CNOT4: variants seen among roughly 807,000 people sequenced by gnomAD.
The protein encoded by CNOT4 is CCR4-NOT transcription complex subunit 4.
Under a neutral mutation model 73.8 loss-of-function variants are expected in CNOT4, and 8 were observed. The observed-to-expected ratio is 0.11, with a 90% CI of 0.06 to 0.20. CNOT4 has a LOEUF of 0.20. Among genes scored for constraint, CNOT4 ranks in the 10% least tolerant of loss-of-function variants. CNOT4 has a pLI of 1.00. For missense variants in CNOT4, 564 were observed against 883.4 expected (o/e 0.64, Z 4.58); for synonymous variants, 293 against 321.1 (o/e 0.91, Z 0.94).
chr7:135,489,892 A>T (rs1802995551), intron 1 of CNOT4, among the ~76,000 whole-genome samples: 1 of 152,240 alleles, frequency 6.6e-6, no homozygotes, highest in Non-Finnish European at 1.5e-5. Flanking sequence ...ATGATTGTTG[A>T]TCCCACTACA....
intron 1 of CNOT4, among the ~76,000 whole-genome samples, chr7:135,494,924 T>G (rs1803365259): frequency 1.3e-5 from 2 of 152,338 alleles, no homozygotes; most frequent in Non-Finnish European, 2.9e-5. Flanking sequence ...TTACTCTATT[T>G]TACTTCAGCA....
chr7:135,386,421 A>C (rs558715355), intron 10 of CNOT4: 64 of 152,242 alleles, frequency 4.2e-4, no homozygotes, highest in African/African-American at 1.4e-3. Context: ...ACAACAACAA[A>C]AAAAACCTGA....
intron 10 of CNOT4, among the ~76,000 whole-genome samples, chr7:135,385,332 C>G (rs994284013): frequency 1.3e-5 from 2 of 152,326 alleles, no homozygotes; most frequent in Admixed American, 6.5e-5. Context: ...ATCCCAACCC[C>G]TATAGGCCAC....
chr7:135,415,121 C>T, intron 4 of CNOT4, 55 bp downstream of exon 4: 1 of 1,020,136 alleles, frequency 9.8e-7, no homozygotes, highest in South Asian at 1.3e-5. Flanking sequence ...TTGGAACAGC[C>T]CAGGTCAAGC....
chr7:135,385,097 C>A (rs879638259), intron 10 of CNOT4, among the ~76,000 whole-genome samples: 1 of 152,232 alleles, frequency 6.6e-6, no homozygotes, highest in Non-Finnish European at 1.5e-5. Context: ...TGGCATACTA[C>A]TGGAATTACT....
At chr7:135,408,265 TTAA>T (rs943952275) in intron 7 of CNOT4, among the ~76,000 whole-genome samples, 4 of 152,146 alleles carry the variant, frequency 2.6e-5, no homozygotes, top group Admixed American at 1.3e-4. Flanking sequence ...GAAGGTTGGC[TTAA>T]TAAATTTAAA....
At chr7:135,378,088 T>C (rs1795618136) in intron 10 of CNOT4, among the ~76,000 whole-genome samples, 1 of 152,262 alleles carries the variant, frequency 6.6e-6, no homozygotes, top group African/African-American at 2.4e-5. Context: ...AACTGAGTAA[T>C]GCCCAAGTTT....
At chr7:135,378,225 T>G in intron 10 of CNOT4, among the ~76,000 whole-genome samples, 1 of 152,196 alleles carries the variant, frequency 6.6e-6, no homozygotes. Context: ...GAGAGAAGGC[T>G]GGGCGCAGTG....
At chr7:135,466,920 C>T (rs1359540995) in intron 1 of CNOT4, among the ~76,000 whole-genome samples, 1 of 152,190 alleles carries the variant, frequency 6.6e-6, no homozygotes, top group Non-Finnish European at 1.5e-5. Flanking sequence ...TGTAAGTACA[C>T]TCCATGACAT....
rs148363490 is a variant in CNOT4 at position 135,362,703 on chromosome 7, T to G, written c.*182A>C. The G allele has an allele frequency of 0.013, 9,600 of 756,274 alleles. 138 individuals are homozygous for G. Among genetic ancestry groups the G allele is most frequent in the South Asian group, 0.037 (2,655 of 72,514 alleles). The allele number at this position is 756,274 out of a possible 1,614,324, so 46.8% of individuals were successfully genotyped here. A position where few individuals can be genotyped will look rare whatever the true frequency, so the allele number is the denominator to read the frequency against. On this transcript the variant is annotated 3_prime_UTR_variant, in exon 12 of 12. Coordinates refer to ENST00000541284, the MANE Select transcript of CNOT4 (RefSeq NM_001190850.2). Reference sequence around the variant, plus strand: ...CTGGATCAACAAAAATTTTTACAATTAATAAAGAGATGGTAATGACCCTGT... The same window carrying G: ...CTGGATCAACAAAAATTTTTACAATGAATAAAGAGATGGTAATGACCCTGT...
At chr7:135,443,043 A>G (rs1799584658) in intron 1 of CNOT4, among the ~76,000 whole-genome samples, 1 of 151,746 alleles carries the variant, frequency 6.6e-6, no homozygotes, top group African/African-American at 2.4e-5. Context: ...TGGGTGATAG[A>G]GTGAAACCCT....
At chr7:135,487,828 C>A (rs976156591) in intron 1 of CNOT4, among the ~76,000 whole-genome samples, 1 of 152,084 alleles carries the variant, frequency 6.6e-6, no homozygotes, top group Non-Finnish European at 1.5e-5. Flanking sequence ...CCAAGGCAGG[C>A]GGATCACGAG....
intron 1 of CNOT4, among the ~76,000 whole-genome samples, chr7:135,446,050 T>G (rs983750764): frequency 5.9e-5 from 9 of 152,132 alleles, no homozygotes; most frequent in Non-Finnish European, 1.2e-4. Flanking sequence ...CCCAGCTAAT[T>G]TTTTAAATAT....
In CNOT4 at chr7:135,363,677, C is replaced by A. The variant is rs894404046; in HGVS notation, c.1840+177G>T. ...CACCAAATGCCTTCTTATTAATACA[C>A]AACTAGGCCGACAGGTTAAATGAGA... On this transcript the variant is annotated intron_variant, in intron 11 of 11. Transcript: ENST00000541284. This position sits in a 1 kb window ranked among gnomAD's most constrained non-coding sequence, Gnocchi z 4.3. Among the ~76,000 whole-genome samples, 5 of 152,198 alleles carry A rather than the reference C, an allele frequency of 3.3e-5. No homozygotes were observed. Among genetic ancestry groups the A allele is most frequent in the Non-Finnish European group, 7.3e-5 (5 of 68,046 alleles).
chr7:135,396,441 C>T (rs1296306679), intron 8 of CNOT4, among the ~76,000 whole-genome samples: 1 of 152,070 alleles, frequency 6.6e-6, no homozygotes, highest in East Asian at 1.9e-4. Flanking sequence ...TACAACTTTA[C>T]TTCTCTCACT....
intron 1 of CNOT4, among the ~76,000 whole-genome samples, chr7:135,441,855 C>CA: frequency 6.6e-6 from 1 of 151,674 alleles, no homozygotes; most frequent in Non-Finnish European, 1.5e-5. Context: ...TTTAGAGGAA[C>CA]AAAAAAGGGA....
At chr7:135,373,425 C>T (rs779863915) in intron 10 of CNOT4, among the ~76,000 whole-genome samples, 9 of 152,178 alleles carry the variant, frequency 5.9e-5, no homozygotes, top group East Asian at 1.9e-4. Context: ...AAAGCATCTA[C>T]TCAATTCAAA....
chr7:135,431,784 C>G (rs1006876196), intron 2 of CNOT4, among the ~76,000 whole-genome samples: 1 of 77,492 alleles, frequency 1.3e-5, no homozygotes, highest in Non-Finnish European at 2.4e-5. Flanking sequence ...AGCTCAAAAA[C>G]ATAAAATATG....
At chr7:135,413,795 C>T (rs1432414241) in intron 5 of CNOT4, among the ~76,000 whole-genome samples, 182 bp from the exon 6 acceptor site, 2 of 151,974 alleles carry the variant, frequency 1.3e-5, no homozygotes, top group Non-Finnish European at 2.9e-5. Context: ...ATAGATGAGG[C>T]TCATTTGGAA....
Sources: allele counts gnomAD v4.1 joint callset (sites outside exome capture counted in the v4.1 genomes callset), GRCh38; gene constraint gnomAD v4.1.1; non-coding constraint Gnocchi (gnomAD v3.1); transcripts MANE v1.5; gene names NCBI Gene and HGNC (gene_info 2026-07-23, HGNC 2026-07-21).